Variants in DPP10 observed in about 807,000 individuals in gnomAD.
DPP10 encodes the protein dipeptidyl peptidase like 10.
In DPP10, 33 loss-of-function variants were observed where a neutral mutation model predicts 120.9. The observed-to-expected ratio is 0.27, with a 90% CI of 0.21 to 0.37. The LOEUF (loss-of-function observed/expected upper bound fraction) is 0.37, where lower values mean the gene tolerates loss of function less well. Among genes scored for constraint, DPP10 ranks in the 10% least tolerant of loss-of-function variants. The pLI is 1.00. For missense variants in DPP10, 816 were observed against 942.8 expected, an observed-to-expected ratio of 0.87 and a Z score of 1.76; for synonymous variants, 337 against 326.1, an observed-to-expected ratio of 1.03 and a Z score of -0.36.
At chr2:114,902,665 G>A (rs1693674690) in intron 1 of DPP10, among the ~76,000 whole-genome samples, 1 of 152,256 alleles carries the variant, frequency 6.6e-6, no homozygotes, top group East Asian at 1.9e-4. Context: ...GCAACTTTGT[G>A]TTTACAGCAA....
At chr2:115,727,365 A>G (rs993569472) in intron 7 of DPP10, among the ~76,000 whole-genome samples, 7 of 152,170 alleles carry the variant, frequency 4.6e-5, no homozygotes, top group African/African-American at 1.7e-4. Flanking sequence ...GAGATTATCT[A>G]GAGATTATTT....
intron 17 of DPP10, among the ~76,000 whole-genome samples, chr2:115,786,383 T>C (rs183650404): frequency 6.6e-6 from 1 of 152,358 alleles, no homozygotes; most frequent in East Asian, 1.9e-4. Flanking sequence ...TTATAACTCT[T>C]ATGTTTTCTA....
chr2:114,923,195 T>A (rs1018726950), intron 1 of DPP10, among the ~76,000 whole-genome samples: 1 of 151,346 alleles, frequency 6.6e-6, no homozygotes, highest in Non-Finnish European at 1.5e-5. Context: ...TTTTTCTTTT[T>A]TTTTTTTAGA....
At chr2:115,013,928 A>G (rs1649123548) in intron 1 of DPP10, among the ~76,000 whole-genome samples, 1 of 152,144 alleles carries the variant, frequency 6.6e-6, no homozygotes, top group Non-Finnish European at 1.5e-5. Context: ...AATTTTAGAC[A>G]GATCAATGAG....
Position 115,718,097 on chromosome 2 carries a change from G to A in DPP10, c.577-9719G>A, listed in dbSNP as rs569707533. 1.5e-4 allele frequency among the ~76,000 whole-genome samples: 23 copies of A among 152,002 alleles called. No homozygotes were observed. In the East Asian group the frequency reaches 1.6e-3, roughly 10 times the overall value. ...TTAAATGCATATACTTATTTTCAGC[G>A]TAACTGGATAAAAATGTCTGATTCT... On this transcript the variant is annotated intron_variant, in intron 7 of 25. Transcript: ENST00000410059.
At position 115,375,446 on chromosome 2, in the gene DPP10, C is replaced by A. The variant is rs181108371; in HGVS notation, c.271+31534C>A. Among the ~76,000 whole-genome samples the A allele has an allele frequency of 4.6e-3, 708 of 152,276 alleles. 8 individuals carry two copies. Among genetic ancestry groups the A allele is most frequent in the African/African-American group, 0.015 (635 of 41,540 alleles). On this transcript the variant is annotated intron_variant, in intron 3 of 25. Transcript: ENST00000410059. ...CACCCTTTTGGTGGAAACAATTAAACAAGTATCTGGGAAGTTCCAAACTGT... is the reference window on the plus strand; with the variant it reads ...CACCCTTTTGGTGGAAACAATTAAAAAAGTATCTGGGAAGTTCCAAACTGT...
At chr2:115,748,837 C>A (rs549023842) in intron 10 of DPP10, among the ~76,000 whole-genome samples, 3 of 152,242 alleles carry the variant, frequency 2.0e-5, no homozygotes, top group African/African-American at 7.2e-5. Flanking sequence ...ATAATTTCTT[C>A]TCCTAATTCT....
chr2:114,894,404 G>A (rs939891534), intron 1 of DPP10, among the ~76,000 whole-genome samples: 7 of 152,080 alleles, frequency 4.6e-5, no homozygotes, highest in African/African-American at 1.4e-4. Flanking sequence ...TGAAAATTTG[G>A]CCTTAGAAAA....
intron 3 of DPP10, among the ~76,000 whole-genome samples, chr2:115,447,235 T>G (rs2104930303): frequency 6.6e-6 from 1 of 152,312 alleles, no homozygotes; most frequent in African/African-American, 2.4e-5. Context: ...GGCCAATTTC[T>G]CCCATTTGAA....
chr2:115,525,805 A>T, intron 4 of DPP10, 93 bp from the exon 5 acceptor site: 1 of 829,336 alleles, frequency 1.2e-6, no homozygotes, highest in Non-Finnish European at 1.9e-6. Context: ...GCCATTTTAT[A>T]GTGCTATGAA....
intron 3 of DPP10, among the ~76,000 whole-genome samples, chr2:115,398,170 A>G (rs1476166475): frequency 1.1e-5 from 1 of 89,278 alleles, no homozygotes; most frequent in Non-Finnish European, 2.6e-5. Context: ...TTCATTGTAT[A>G]TGACTTTTTT....
Position 115,348,172 on chromosome 2 carries a change from A to G in DPP10, c.271+4260A>G, listed in dbSNP as rs146860471. Among the ~76,000 whole-genome samples the G allele has an allele frequency of 4.7e-3, 714 of 152,224 alleles. 18 individuals are homozygous for G. Among genetic ancestry groups the G allele is most frequent in the Non-Finnish European group, 3.0e-3 (202 of 68,010 alleles). The stretch of plus-strand genomic sequence containing the variant: ...AACGTACTCAGCATGCCACCATGCC[A>G]TACTTGGAGGTATCATTTTCTGAGT... On this transcript the variant is annotated intron_variant, in intron 3 of 25. Coordinates refer to ENST00000410059, the MANE Select transcript of DPP10 (RefSeq NM_020868.6).
intron 5 of DPP10, among the ~76,000 whole-genome samples, chr2:115,680,543 G>T (rs2090579543): frequency 6.6e-6 from 1 of 151,800 alleles, no homozygotes; most frequent in Non-Finnish European, 1.5e-5. Context: ...AACAAAAGTG[G>T]ATGTATACCT....
At position 115,780,998 on chromosome 2, in the gene DPP10, A is replaced by G. The variant is rs1682697609; in HGVS notation, c.1483+3A>G. 1.3e-6 allele frequency: 2 copies of G among 1,576,234 alleles called. No homozygotes were observed. The highest frequency in any genetic ancestry group is 2.7e-5 in the African/African-American group (2 of 73,836). On this transcript the variant is annotated splice_donor_region_variant and intron_variant, in intron 16 of 25. Transcript: ENST00000410059. ...ACATTTCTTATTATTCTGTGAAGGT[A>G]AGATAATACATGAATTCTGATATAA...
intron 1 of DPP10, among the ~76,000 whole-genome samples, chr2:115,244,321 T>G (rs1253626727): frequency 1.3e-5 from 2 of 149,528 alleles, no homozygotes; most frequent in African/African-American, 4.9e-5. Context: ...TATGATACAT[T>G]GGCCTTTTTG....
At chr2:115,622,140 C>G (rs1194955916) in intron 5 of DPP10, among the ~76,000 whole-genome samples, 1 of 152,098 alleles carries the variant, frequency 6.6e-6, no homozygotes, top group East Asian at 1.9e-4. Flanking sequence ...CCCAAAAAAC[C>G]TTGATCACAT....
At chr2:115,721,123 T>G (rs1040352146) in intron 7 of DPP10, among the ~76,000 whole-genome samples, 2 of 152,216 alleles carry the variant, frequency 1.3e-5, no homozygotes, top group African/African-American at 4.8e-5. Context: ...CACAAACATT[T>G]TAGGCATGTA....
At chr2:114,640,659 A>G (rs919759951) in intron 1 of DPP10, among the ~76,000 whole-genome samples, 1 of 151,854 alleles carries the variant, frequency 6.6e-6, no homozygotes, top group Non-Finnish European at 1.5e-5. Context: ...GTTCCTCGAC[A>G]TCATGGATGT....
intron 4 of DPP10, among the ~76,000 whole-genome samples, chr2:115,521,236 C>T (rs1235915547): frequency 6.6e-6 from 1 of 152,104 alleles, no homozygotes; most frequent in African/African-American, 2.4e-5. Context: ...GATTACTGGC[C>T]CACCCGGTAG....
Sources: allele counts gnomAD v4.1 joint callset (sites outside exome capture counted in the v4.1 genomes callset), GRCh38; gene constraint gnomAD v4.1.1; transcripts MANE v1.5; gene names NCBI Gene and HGNC (gene_info 2026-07-23, HGNC 2026-07-21).